The following CHN2 variants were observed in gnomAD, a reference collection of about 807,000 sequenced individuals.
CHN2 encodes beta-chimaerin.
In CHN2, 35 loss-of-function variants were observed where a neutral mutation model predicts 56.3. That is an observed-to-expected ratio of 0.62 (90% CI 0.47 to 0.82). The LOEUF is 0.82. CHN2 is among the 40% of genes least tolerant of loss of function. The pLI, the probability that CHN2 is intolerant of heterozygous loss-of-function variation, is 0.00. For synonymous variants in CHN2, 210 were observed against 212.8 expected, an observed-to-expected ratio of 0.99 and a Z score of 0.12; for missense variants, 491 against 580.5, an observed-to-expected ratio of 0.85 and a Z score of 1.58.
At chr7:29,214,774 A>G (rs1785215017) in intron 1 of CHN2, among the ~76,000 whole-genome samples, 2 of 152,186 alleles carry the variant, frequency 1.3e-5, no homozygotes, top group African/African-American at 4.8e-5. Context: ...TATTTTATCT[A>G]TGAAACTTGG....
At chr7:29,501,609 A>C (rs986290612) in intron 9 of CHN2, among the ~76,000 whole-genome samples, 4 of 152,228 alleles carry the variant, frequency 2.6e-5, no homozygotes, top group Non-Finnish European at 5.9e-5. Flanking sequence ...AGCGAGATAG[A>C]GTAGCACAAA....
intron 12 of CHN2, 46 bp downstream of exon 12, chr7:29,509,452 GTTAATGCA>G (rs1562677627): frequency 6.8e-7 from 1 of 1,468,798 alleles, no homozygotes; most frequent in East Asian, 2.3e-5. Flanking sequence ...TCCTAGAGCG[GTTAATGCA>G]TGAGGAAAAG....
At chr7:29,428,885 G>T (rs1464835288) in intron 6 of CHN2, among the ~76,000 whole-genome samples, 1 of 152,180 alleles carries the variant, frequency 6.6e-6, no homozygotes, top group South Asian at 2.1e-4. Context: ...GAGGTTCTGA[G>T]ACCAGAGTTG....
chr7:29,184,355 A>G (rs1375063007), intron 2 of CHN2: 1 of 151,912 alleles, frequency 6.6e-6, no homozygotes, highest in African/African-American at 2.4e-5. Context: ...ATATATTTAT[A>G]TGAGAAAATA....
intron 1 of CHN2, 36 bp downstream of exon 1, chr7:29,195,026 G>C (rs370813742): frequency 6.3e-7 from 1 of 1,576,034 alleles, no homozygotes; most frequent in Non-Finnish European, 8.6e-7. Flanking sequence ...CTGCCGCGCC[G>C]GGTCTCGCCC....
chr7:29,509,686 T>C, intron 12 of CHN2: 1 of 216,962 alleles, frequency 4.6e-6, no homozygotes, highest in South Asian at 7.2e-5. Flanking sequence ...CTACTAAAAA[T>C]ACAAAAAAAT....
At chr7:29,315,873 A>G (rs57921761) in intron 1 of CHN2, among the ~76,000 whole-genome samples, 4,569 of 152,296 alleles carry the variant, frequency 0.03, 220 homozygotes, top group African/African-American at 0.11. Context: ...CTAAGATATC[A>G]TGGTGTATGC....
At chr7:29,267,401 C>T (rs1195767410) in intron 1 of CHN2, among the ~76,000 whole-genome samples, 1 of 151,994 alleles carries the variant, frequency 6.6e-6, no homozygotes, top group East Asian at 1.9e-4. Context: ...TGCCACCACA[C>T]CTGGCTAATT....
intron 1 of CHN2, among the ~76,000 whole-genome samples, chr7:29,281,860 G>T (rs976129640): frequency 6.6e-6 from 1 of 152,190 alleles, no homozygotes; most frequent in Non-Finnish European, 1.5e-5. Context: ...AGATGGCCGT[G>T]GGGCTCCTGT....
At chr7:29,476,726 T>A (rs1786630410) in intron 6 of CHN2, among the ~76,000 whole-genome samples, 1 of 152,156 alleles carries the variant, frequency 6.6e-6, no homozygotes, top group African/African-American at 2.4e-5. Context: ...GGAGACATTT[T>A]TTATTACATA....
intron 6 of CHN2, among the ~76,000 whole-genome samples, chr7:29,477,740 G>A (rs1786715582): frequency 1.3e-5 from 2 of 152,260 alleles, no homozygotes; most frequent in South Asian, 4.1e-4. Context: ...AGCCCATTAA[G>A]AGAGTAGACC....
At chr7:29,254,910 G>A (rs1012625568) in intron 1 of CHN2, among the ~76,000 whole-genome samples, 7 of 152,186 alleles carry the variant, frequency 4.6e-5, no homozygotes, top group South Asian at 2.1e-4. Context: ...ATTGGTCAGA[G>A]TGCTCAACTA....
chr7:29,379,666 A>G (rs1391687879), intron 3 of CHN2, among the ~76,000 whole-genome samples: 1 of 152,240 alleles, frequency 6.6e-6, no homozygotes, highest in Non-Finnish European at 1.5e-5. Context: ...TAAAACGTCA[A>G]GAAGAAAAAA....
In CHN2 at chr7:29,498,758, C is replaced by CTTTTTTTTT. The variant is rs138784356; in HGVS notation, c.740-1096_740-1088dup. Among the ~76,000 whole-genome samples the CTTTTTTTTT allele has an allele frequency of 1.6e-3, 157 of 100,052 alleles. 8 individuals carry two copies. The highest frequency in any genetic ancestry group is 5.2e-3 in the African/African-American group (119 of 23,048). 65.6% of individuals were successfully genotyped at this position (100,052 alleles called of 152,430 possible). A position where few individuals can be genotyped will look rare whatever the true frequency, so the allele number is the denominator to read the frequency against. Reference sequence around the variant, plus strand: ...TGTAGCAGAATGTAGACTATGCTGCCTTTTTTTTTTTTTTTTTTTTTGGAG... The same window carrying CTTTTTTTTT: ...TGTAGCAGAATGTAGACTATGCTGCCTTTTTTTTTTTTTTTTTTTTTTTTTTTTTTGGAG... On this transcript the variant is annotated intron_variant, in intron 8 of 12. Transcript: ENST00000222792.
chr7:29,198,511 G>T (rs979977390), intron 1 of CHN2, among the ~76,000 whole-genome samples: 3 of 152,108 alleles, frequency 2.0e-5, no homozygotes, highest in Non-Finnish European at 4.4e-5. Flanking sequence ...ATTCAATTAT[G>T]TGTAAAAGAA....
In CHN2 at chr7:29,480,267, G is replaced by C; in HGVS notation, c.577-12G>C. On this transcript the variant is annotated splice_polypyrimidine_tract_variant and intron_variant, in intron 6 of 12. Transcript: ENST00000222792. ...TCTTTGGCCCCCTCTCAAACTCTTT[G>C]CCTGTTCACAGATCTCCTCCCTGGT... 6.2e-7 allele frequency: 1 copy of C among 1,614,182 alleles called. No individual in the cohort carries two copies. The highest frequency in any genetic ancestry group is 8.5e-7 in the Non-Finnish European group (1 of 1,180,038).
Position 29,479,937 on chromosome 7 carries a change from GC to G in CHN2, c.577-337del, listed in dbSNP as rs1562641261. The G allele has an allele frequency of 2.8e-6, 4 of 1,441,370 alleles. No individual in the cohort carries two copies. In the African/African-American group the frequency reaches 4.3e-5, roughly 16 times the overall value. 89.3% of individuals were successfully genotyped at this position (1,441,370 alleles called of 1,614,324 possible). A position where few individuals can be genotyped will look rare whatever the true frequency, so the allele number is the denominator to read the frequency against. On this transcript the variant is annotated intron_variant, in intron 6 of 12. Coordinates refer to ENST00000222792, the MANE Select transcript of CHN2 (RefSeq NM_004067.4). ...AGGCCCATCCTTATTCAGAAGCCGG[GC>G]CCCCTCCATCACTCAAACTGGGCCT...
chr7:29,422,182 T>C (rs1804412991), intron 6 of CHN2, among the ~76,000 whole-genome samples: 1 of 152,218 alleles, frequency 6.6e-6, no homozygotes, highest in African/African-American at 2.4e-5. Flanking sequence ...AGTGTGTTAA[T>C]TTTAAGGATG....
chr7:29,212,607 C>A, intron 1 of CHN2: 1 of 1,412,236 alleles, frequency 7.1e-7, no homozygotes, highest in Non-Finnish European at 1.0e-6. Flanking sequence ...ACTGTGTTTT[C>A]TTCCACCCAG....
Sources: gnomAD v4.1 joint callset for allele counts (sites outside exome capture counted in the v4.1 genomes callset) on GRCh38, gnomAD v4.1.1 for gene constraint, MANE v1.5 for transcripts, NCBI Gene and HGNC (gene_info 2026-07-23, HGNC 2026-07-21) for gene names.